The following AGPAT5 variants were observed in gnomAD, a reference collection of about 807,000 sequenced individuals.
AGPAT5 encodes the protein 1-acyl-sn-glycerol-3-phosphate acyltransferase epsilon.
In AGPAT5, 46 loss-of-function variants were observed where a neutral mutation model predicts 45.6. The ratio of observed to expected loss-of-function variants is 1.01; its 90% confidence interval spans 0.80 to 1.29. The LOEUF is 1.29. Ranked by LOEUF, AGPAT5 falls within the 50% of genes most tolerant of loss-of-function variation. The pLI is 0.00. For missense variants in AGPAT5, 673 were observed against 450.7 expected (o/e 1.49, Z -4.47); for synonymous variants, 272 against 167.0 (o/e 1.63, Z -4.85).
intron 4 of AGPAT5, among the ~76,000 whole-genome samples, chr8:6,739,154 A>G (rs896482428): frequency 3.9e-5 from 6 of 152,086 alleles, no homozygotes; most frequent in Non-Finnish European, 7.4e-5. Flanking sequence ...ATCTATATAT[A>G]TATATCCTTA....
chr8:6,711,885 T>A (rs1800167027), intron 1 of AGPAT5, among the ~76,000 whole-genome samples: 1 of 152,232 alleles, frequency 6.6e-6, no homozygotes, highest in Non-Finnish European at 1.5e-5. Context: ...ATGCTTGTCA[T>A]TGGGTTTAGA....
intron 6 of AGPAT5, among the ~76,000 whole-genome samples, chr8:6,748,116 G>A (rs577773967): frequency 6.6e-6 from 1 of 152,258 alleles, no homozygotes; most frequent in South Asian, 2.1e-4. Flanking sequence ...GTAAAAGGGA[G>A]GAAGACGTGA....
chr8:6,739,113 A>C (rs910203077), intron 4 of AGPAT5, among the ~76,000 whole-genome samples: 1 of 152,116 alleles, frequency 6.6e-6, no homozygotes, highest in Non-Finnish European at 1.5e-5. Flanking sequence ...TGTTATCCCT[A>C]GATCAATGGA....
At chr8:6,755,592 G>T (rs1215676051) in intron 7 of AGPAT5, among the ~76,000 whole-genome samples, 1 of 152,198 alleles carries the variant, frequency 6.6e-6, no homozygotes, top group Non-Finnish European at 1.5e-5. Flanking sequence ...GGACGTGCAG[G>T]TGGACATGAT....
At chr8:6,753,033 A>G (rs760577641) in intron 6 of AGPAT5, among the ~76,000 whole-genome samples, 24 of 152,152 alleles carry the variant, frequency 1.6e-4, no homozygotes, top group Admixed American at 5.2e-4. Context: ...TTACAAGGAG[A>G]TAATAACAGC....
chr8:6,730,851 T>C (rs779388544), intron 3 of AGPAT5, 25 bp downstream of exon 3: 7 of 1,475,682 alleles, frequency 4.7e-6, no homozygotes, highest in Non-Finnish European at 6.6e-6. Context: ...TGCTTTTCTC[T>C]CTATATATGT....
intron 6 of AGPAT5, 49 bp downstream of exon 6, chr8:6,747,877 C>A: frequency 1.3e-6 from 2 of 1,526,880 alleles, no homozygotes; most frequent in Non-Finnish European, 8.9e-7. Flanking sequence ...ATATACAGTG[C>A]ACATGTTTAT....
At chr8:6,755,318 C>A in intron 7 of AGPAT5, 144 bp downstream of exon 7, 1 of 945,802 alleles carries the variant, frequency 1.1e-6, no homozygotes, top group Non-Finnish European at 1.5e-6. Context: ...CATGTCTGAT[C>A]GTGTTTTAAA....
intron 2 of AGPAT5, among the ~76,000 whole-genome samples, chr8:6,726,236 C>G (rs996941192): frequency 1.3e-5 from 2 of 152,326 alleles, no homozygotes; most frequent in Admixed American, 1.3e-4. Flanking sequence ...TCCTGTCCTG[C>G]TGCTGATGGA....
rs1563281114 is a variant in AGPAT5 at position 6,714,127 on chromosome 8, GT to G, written c.219+5241del. Among the ~76,000 whole-genome samples the G allele has an allele frequency of 2.6e-5, 4 of 152,224 alleles. No homozygotes were observed. In the South Asian group the frequency reaches 8.3e-4, roughly 32 times the overall value. On this transcript the variant is annotated intron_variant, in intron 1 of 7. Coordinates refer to ENST00000285518, the MANE Select transcript of AGPAT5 (RefSeq NM_018361.5). ...CACTTCTGCCAAAATGTTGCCCAGC[GT>G]CGTCTCTGATACCTATAGTCCTAAC...
chr8:6,753,154 T>G (rs1359879672), intron 6 of AGPAT5, among the ~76,000 whole-genome samples: 1 of 152,248 alleles, frequency 6.6e-6, no homozygotes, highest in East Asian at 1.9e-4. Flanking sequence ...AAAGGACCCA[T>G]GCACATTTCG....
intron 1 of AGPAT5, among the ~76,000 whole-genome samples, chr8:6,719,542 A>C (rs1190567354): frequency 2.6e-5 from 4 of 152,190 alleles, no homozygotes; most frequent in African/African-American, 7.2e-5. Flanking sequence ...CATTTGGTAG[A>C]TTATGTGGTT....
intron 2 of AGPAT5, among the ~76,000 whole-genome samples, chr8:6,727,801 G>A (rs1483076160): frequency 2.0e-5 from 3 of 152,220 alleles, no homozygotes; most frequent in African/African-American, 7.2e-5. Flanking sequence ...TTTGGAGTTA[G>A]AGAGACCCAG....
chr8:6,715,739 C>G lies in AGPAT5; in HGVS notation c.219+6852C>G, dbSNP rs184548748. Among the ~76,000 whole-genome samples the G allele has an allele frequency of 2.0e-5, 3 of 152,268 alleles. 1 individual carries two copies. The South Asian group carries it at 6.2e-4, about 32-fold the overall frequency. ...CTGCCAATTACAATATAGGATAACA[C>G]TGAAATTAGAGACGTGTTTATTAAC... On this transcript the variant is annotated intron_variant, in intron 1 of 7. Transcript: ENST00000285518.
intron 4 of AGPAT5, among the ~76,000 whole-genome samples, chr8:6,739,697 T>C (rs1801176999): frequency 1.3e-5 from 2 of 152,152 alleles, no homozygotes; most frequent in Non-Finnish European, 2.9e-5. Flanking sequence ...GTCATTGTTA[T>C]AGAAATAACA....
At chr8:6,752,591 G>GT (rs1410789426) in intron 6 of AGPAT5, among the ~76,000 whole-genome samples, 1 of 152,148 alleles carries the variant, frequency 6.6e-6, no homozygotes, top group Admixed American at 6.5e-5. Flanking sequence ...TTTGCAGCAA[G>GT]TAGACCTGTG....
chr8:6,747,771 G>A lies in AGPAT5; in HGVS notation c.688G>A (p.Val230Met), dbSNP rs1480497758. The A allele has an allele frequency of 6.2e-7, 1 of 1,614,198 alleles. No individual in the cohort carries two copies. The highest frequency in any genetic ancestry group is 1.1e-5 in the South Asian group (1 of 91,082). The change falls in exon 6 of 8, where the codon GTG becomes ATG. Residue 230 changes from valine (V) to methionine (M), a missense_variant. By Grantham distance (21) the Val-to-Met change is conservative. Coordinates refer to ENST00000285518, the MANE Select transcript of AGPAT5 (RefSeq NM_018361.5). ...NYLDAIYDVTVVYEGKDDGGQ... is the reference protein window; with the variant it reads ...NYLDAIYDVTMVYEGKDDGGQ... ...TTTAGATGCAATTTATGATGTTACG[G>A]TGGTTTATGAAGGGAAAGACGATGG... is the stretch of plus-strand genomic sequence containing the variant.
chr8:6,715,221 G>A (rs890776911), intron 1 of AGPAT5, among the ~76,000 whole-genome samples: 3 of 152,188 alleles, frequency 2.0e-5, no homozygotes, highest in African/African-American at 7.2e-5. Flanking sequence ...AGGTTGTTTA[G>A]CCTGGTGGGT....
chr8:6,740,494 TATTA>T lies in AGPAT5; in HGVS notation c.496-1162_496-1159del, dbSNP rs1383084271. On this transcript the variant is annotated intron_variant, in intron 4 of 7. Transcript: ENST00000285518. ...CATATAAATTATTGTTTAATAATAA[TATTA>T]ATTATTAAAAATAATATAAATTATT... Among the ~76,000 whole-genome samples, 5 of 148,164 alleles carry T rather than the reference TATTA, an allele frequency of 3.4e-5. No individual in the cohort carries two copies. In the South Asian group the frequency reaches 8.3e-4, roughly 25 times the overall value.
Sources: allele counts gnomAD v4.1 joint callset (sites outside exome capture counted in the v4.1 genomes callset), GRCh38; gene constraint gnomAD v4.1.1; transcripts MANE v1.5; gene names NCBI Gene and HGNC (gene_info 2026-07-23, HGNC 2026-07-21).